The following CASK variants were observed in gnomAD, a reference collection of about 807,000 sequenced individuals.
CASK encodes the protein peripheral plasma membrane protein CASK.
CASK carries 4 observed loss-of-function variants against 82.9 expected under a neutral mutation model. The ratio of observed to expected loss-of-function variants is 0.05; its 90% CI spans 0.02 to 0.11. The LOEUF (loss-of-function observed/expected upper bound fraction) is 0.11. Among genes scored for constraint, CASK ranks in the 10% least tolerant of loss-of-function variants. The probability of loss-of-function intolerance (pLI) is 1.00; values close to 1 mark genes in which losing one functional copy is unlikely to be tolerated. For missense variants in CASK, 358 were observed against 720.9 expected (o/e 0.50, Z 5.76); for synonymous variants, 259 against 253.5 (o/e 1.02, Z -0.20).
Position 41,752,195 on chromosome X carries a change from T to A in CASK, c.279-6594A>T, listed in dbSNP as rs890528881. Among the ~76,000 whole-genome samples, 5 of 111,565 alleles carry A rather than the reference T, an allele frequency of 4.5e-5. No individual in the cohort carries two copies. In the Admixed American group the frequency reaches 4.8e-4, roughly 11 times the overall value. On this transcript the variant is annotated intron_variant, in intron 3 of 26. Coordinates refer to ENST00000378163, the MANE Select transcript of CASK (RefSeq NM_001367721.1). ...CAAAGTAGTTATGTTAGAAATAAATTAACAAAATAACTAGAAAACCCTAAA... is the reference window on the plus strand; with the variant it reads ...CAAAGTAGTTATGTTAGAAATAAATAAACAAAATAACTAGAAAACCCTAAA...
rs186879842 is a variant in CASK at position 41,545,417 on chromosome X, C to T, written c.2040-2611G>A. On this transcript the variant is annotated intron_variant, in intron 21 of 26. Coordinates refer to ENST00000378163, the MANE Select transcript of CASK (RefSeq NM_001367721.1). ...CCAATTGTCCTACATTATTTAAAAG[C>T]CTGTCCATTCCTCATTGCTGTGCAG... 4.4e-3 allele frequency among the ~76,000 whole-genome samples: 495 copies of T among 112,320 alleles called. 4 individuals are homozygous for T. The highest frequency in any genetic ancestry group is 0.015 in the African/African-American group (476 of 30,930).
chrX:41,827,858 G>C (rs1185161192), intron 2 of CASK, among the ~76,000 whole-genome samples: 1 of 111,390 alleles, frequency 9.0e-6, no homozygotes, highest in African/African-American at 3.3e-5. Context: ...GCTTTATTTA[G>C]GAAAAAAGTA....
intron 19 of CASK, 35 bp from the exon 20 acceptor site, chrX:41,555,670 C>T: frequency 8.9e-7 from 1 of 1,119,842 alleles, no homozygotes; most frequent in Non-Finnish European, 1.2e-6. Flanking sequence ...GAAAAATTTT[C>T]ATTTATTTTT....
intron 5 of CASK, among the ~76,000 whole-genome samples, chrX:41,723,209 G>A (rs781123366): frequency 8.9e-6 from 1 of 112,235 alleles, no homozygotes; most frequent in African/African-American, 3.2e-5. Flanking sequence ...TAAATTTTAA[G>A]TGAAGATTTA....
intron 1 of CASK, among the ~76,000 whole-genome samples, chrX:41,907,561 G>A (rs1351528230): frequency 2.7e-5 from 3 of 111,911 alleles, no homozygotes; most frequent in Admixed American, 1.9e-4. Flanking sequence ...TTGGAGGGAT[G>A]TGGGAAGGCT....
chrX:41,710,081 TTGTGTGTGTGTGTGTG>T (rs57963407), intron 5 of CASK, among the ~76,000 whole-genome samples: 258 of 72,177 alleles, frequency 3.6e-3, no homozygotes, highest in Middle Eastern at 8.5e-3. Context: ...GGTATAGATT[TTGTGTGTGTGTGTGTG>T]TGTGTGTGTG....
intron 26 of CASK, among the ~76,000 whole-genome samples, chrX:41,521,181 G>C (rs759413427): frequency 8.9e-6 from 1 of 112,504 alleles, no homozygotes; most frequent in South Asian, 3.6e-4. Flanking sequence ...ACACGTTCTA[G>C]GAATTCAATT....
intron 3 of CASK, among the ~76,000 whole-genome samples, chrX:41,785,130 C>A (rs1158379440): frequency 9.3e-6 from 1 of 107,086 alleles, no homozygotes; most frequent in African/African-American, 3.4e-5. Flanking sequence ...CCTCAGCCTC[C>A]CAAGTAACTG....
intron 5 of CASK, among the ~76,000 whole-genome samples, chrX:41,681,086 G>A (rs944337374): frequency 4.4e-4 from 49 of 111,455 alleles, no homozygotes; most frequent in African/African-American, 1.5e-3. Context: ...AAAATATATT[G>A]AAAGTTTTTT....
chrX:41,642,073 A>C (rs1343956597), intron 8 of CASK, among the ~76,000 whole-genome samples: 8 of 110,425 alleles, frequency 7.2e-5, no homozygotes, highest in African/African-American at 2.0e-4. Context: ...AAGGACATGA[A>C]CTCACCCTTT....
chrX:41,642,047 C>A (rs1253843807), intron 8 of CASK, among the ~76,000 whole-genome samples: 1 of 110,555 alleles, frequency 9.0e-6, no homozygotes, highest in African/African-American at 3.3e-5. Context: ...TTTCCAGCTT[C>A]ATCCATGTCC....
Position 41,626,671 on chromosome X carries a change from T to C in CASK, c.948A>G (p.Lys316=), listed in dbSNP as rs376360424. ...GAVLAAVSSH[K]FNSFYGDPPE... is the part of the protein sequence containing the mutation. Reference sequence around the variant, plus strand: ...GGGGATCCCCATAGAATGAGTTGAATTTGTGACTTGACACAGCGGCTAGTA... The same window carrying C: ...GGGGATCCCCATAGAATGAGTTGAACTTGTGACTTGACACAGCGGCTAGTA... The change falls in exon 10 of 27, where the codon AAA becomes AAG. Residue 316 remains lysine, a synonymous_variant. Transcript: ENST00000378163. The C allele has an allele frequency of 2.5e-6, 3 of 1,205,447 alleles. No homozygotes were observed. The highest frequency in any genetic ancestry group is 1.8e-5 in the South Asian group (1 of 56,857).
At chrX:41,773,607 G>A (rs2069290408) in intron 3 of CASK, among the ~76,000 whole-genome samples, 1 of 111,040 alleles carries the variant, frequency 9.0e-6, no homozygotes, top group Admixed American at 9.6e-5. Flanking sequence ...TAAATGCATA[G>A]TTAGGGGATT....
rs372960555 is a variant in CASK, at chrX:41,667,190, C to T, written c.533-1738G>A. Among the ~76,000 whole-genome samples the T allele has an allele frequency of 8.9e-5, 10 of 111,749 alleles. No individual in the cohort carries two copies. The East Asian group carries it at 2.2e-3, about 25-fold the overall frequency. On this transcript the variant is annotated intron_variant, in intron 6 of 26. Transcript: ENST00000378163. ...TTCTGGAGAATTAGTGTTCAATCTTCGGGAAGATGCCTGTTGTTTGGTTCA... is the reference window on the plus strand; with the variant it reads ...TTCTGGAGAATTAGTGTTCAATCTTTGGGAAGATGCCTGTTGTTTGGTTCA...
At chrX:41,919,462 ATTT>A (rs1450014676) in intron 1 of CASK, 1 of 112,197 alleles carries the variant, frequency 8.9e-6, no homozygotes, top group Non-Finnish European at 1.9e-5. Flanking sequence ...GAAAGTAGGC[ATTT>A]TTCTATGTTT....
chrX:41,808,161 C>T (rs1294951988), intron 2 of CASK, among the ~76,000 whole-genome samples: 5 of 111,937 alleles, frequency 4.5e-5, no homozygotes, highest in African/African-American at 1.3e-4. Flanking sequence ...GGCCAATCAC[C>T]TCTTAAAGGA....
intron 5 of CASK, among the ~76,000 whole-genome samples, chrX:41,719,648 T>C (rs1375814649): frequency 1.8e-5 from 2 of 111,698 alleles, no homozygotes; most frequent in African/African-American, 6.5e-5. Context: ...GGAGACAGGG[T>C]CATTTATAAG....
At chrX:41,570,520 C>G (rs930248000) in intron 15 of CASK, among the ~76,000 whole-genome samples, 3 of 111,205 alleles carry the variant, frequency 2.7e-5, no homozygotes, top group Non-Finnish European at 3.8e-5. Context: ...CAAAAGTTTC[C>G]TCATGCTCGT....
chrX:41,703,651 T>G (rs1172665873), intron 5 of CASK, among the ~76,000 whole-genome samples: 1 of 112,615 alleles, frequency 8.9e-6, no homozygotes, highest in African/African-American at 3.2e-5. Context: ...GAAACCATGC[T>G]CAAGTGAATT....
Sources: gnomAD v4.1 joint callset for allele counts (sites outside exome capture counted in the v4.1 genomes callset) on GRCh38, gnomAD v4.1.1 for gene constraint, MANE v1.5 for transcripts, NCBI Gene and HGNC (gene_info 2026-07-23, HGNC 2026-07-21) for gene names.